ISX: variants seen among roughly 807,000 people sequenced by gnomAD.
The protein encoded by ISX is intestine-specific homeobox.
Under a neutral mutation model 16.9 loss-of-function variants are expected in ISX, and 15 were observed. The observed-to-expected ratio is 0.89, with a 90% CI of 0.59 to 1.36. The LOEUF is 1.36. Ranked by LOEUF, ISX falls within the 40% of genes most tolerant of loss-of-function variation. The pLI is 0.00. For synonymous variants in ISX, 125 were observed against 119.7 expected (o/e 1.04, Z -0.29); for missense variants, 316 against 306.1 (o/e 1.03, Z -0.24).
intron 2 of ISX, among the ~76,000 whole-genome samples, chr22:35,071,926 T>C (rs1467521163): frequency 1.3e-5 from 2 of 152,152 alleles, no homozygotes; most frequent in African/African-American, 4.8e-5. Context: ...GCTGCTCTGC[T>C]ATGGGAACTG....
At chr22:35,083,352 G>A (rs1267071152) in intron 3 of ISX, among the ~76,000 whole-genome samples, 1 of 152,202 alleles carries the variant, frequency 6.6e-6, no homozygotes, top group East Asian at 1.9e-4. Flanking sequence ...GTGTAGAGAA[G>A]TGGAAAAGGT....
At chr22:35,075,340 C>T (rs770214435) in intron 2 of ISX, among the ~76,000 whole-genome samples, 6 of 152,214 alleles carry the variant, frequency 3.9e-5, no homozygotes, top group East Asian at 3.8e-4. Flanking sequence ...GTAAGGTAGA[C>T]GGAAGGTCAG....
At chr22:35,077,817 C>A (rs1417499139) in intron 2 of ISX, among the ~76,000 whole-genome samples, 2 of 152,182 alleles carry the variant, frequency 1.3e-5, no homozygotes, top group African/African-American at 4.8e-5. Flanking sequence ...CTCTAAATTA[C>A]CTTCTTCCAG....
At chr22:35,078,706 T>G (rs1384762066) in intron 2 of ISX, among the ~76,000 whole-genome samples, 1 of 152,130 alleles carries the variant, frequency 6.6e-6, no homozygotes, top group Non-Finnish European at 1.5e-5. Flanking sequence ...TGAGGGCTAG[T>G]AGAAGGGAGT....
At chr22:35,071,026 G>A (rs1052127699) in intron 2 of ISX, among the ~76,000 whole-genome samples, 3 of 152,178 alleles carry the variant, frequency 2.0e-5, no homozygotes, top group African/African-American at 4.8e-5. Flanking sequence ...TGGCCCTCAT[G>A]CTGCAGTTCA....
chr22:35,085,015 T>C (rs968784462), intron 4 of ISX, among the ~76,000 whole-genome samples: 1 of 152,058 alleles, frequency 6.6e-6, no homozygotes, highest in African/African-American at 2.4e-5. Flanking sequence ...TATTTTTGAG[T>C]GGGCACCAGG....
intron 2 of ISX, among the ~76,000 whole-genome samples, chr22:35,075,012 T>C (rs1289792614): frequency 6.6e-6 from 1 of 152,238 alleles, no homozygotes; most frequent in African/African-American, 2.4e-5. Flanking sequence ...CCATGCTTCA[T>C]GTTTAATCTC....
chr22:35,086,363 T>A lies in ISX; in HGVS notation c.*670T>A, dbSNP rs1449878955. 1.3e-5 allele frequency: 2 copies of A among 152,992 alleles called. No individual in the cohort carries two copies. Among genetic ancestry groups the A allele is most frequent in the African/African-American group, 2.4e-5 (1 of 41,462 alleles). 9.5% of individuals were successfully genotyped at this position (152,992 alleles called of 1,614,324 possible). A position where few individuals can be genotyped will look rare whatever the true frequency, so the allele number is the denominator to read the frequency against. On this transcript the variant is annotated 3_prime_UTR_variant, in exon 5 of 5. Transcript: ENST00000404699. ...TGAGAGAAAAATGTAGAAAGTTTTT[T>A]AAATTCTAAACAGGATTTAGTGTCT...
intron 2 of ISX, among the ~76,000 whole-genome samples, chr22:35,075,001 C>A (rs1928945159): frequency 1.3e-5 from 2 of 152,216 alleles, no homozygotes; most frequent in African/African-American, 4.8e-5. Context: ...ATAATCTGTG[C>A]CCATGCTTCA....
intron 3 of ISX, among the ~76,000 whole-genome samples, chr22:35,083,455 G>A (rs1486912566): frequency 6.6e-6 from 1 of 152,192 alleles, no homozygotes; most frequent in Non-Finnish European, 1.5e-5. Flanking sequence ...ATTGCTTCAT[G>A]CAGGATTAGA....
intron 2 of ISX, among the ~76,000 whole-genome samples, chr22:35,073,918 A>C (rs1366943484): frequency 6.6e-6 from 1 of 152,230 alleles, no homozygotes; most frequent in Admixed American, 6.5e-5. Flanking sequence ...TATTAATGAG[A>C]GCTATTTGGT....
chr22:35,078,510 G>C (rs770908573), intron 2 of ISX, among the ~76,000 whole-genome samples: 15 of 152,144 alleles, frequency 9.9e-5, no homozygotes, highest in Non-Finnish European at 1.9e-4. Flanking sequence ...CTTAGGGAGG[G>C]AAGGGGGTAG....
At chr22:35,076,423 G>A (rs1298860323) in intron 2 of ISX, among the ~76,000 whole-genome samples, 1 of 152,210 alleles carries the variant, frequency 6.6e-6, no homozygotes, top group Non-Finnish European at 1.5e-5. Flanking sequence ...TGTGGGCACA[G>A]GGAGCCAAAG....
At chr22:35,081,100 A>G (rs1929114945) in intron 2 of ISX, among the ~76,000 whole-genome samples, 1 of 152,258 alleles carries the variant, frequency 6.6e-6, no homozygotes, top group African/African-American at 2.4e-5. Context: ...AGTAAGAAAG[A>G]TTACCCAGGG....
rs762787081 is a variant in ISX, at chr22:35,086,914, C to T, written c.*1221C>T. 3 of 152,194 alleles carry T rather than the reference C, an allele frequency of 2.0e-5. No homozygotes were observed. Among genetic ancestry groups the T allele is most frequent in the South Asian group, 2.1e-4 (1 of 4,830 alleles). The allele number at this position is 152,194 out of a possible 1,614,324, so 9.4% of individuals were successfully genotyped here. A position where few individuals can be genotyped will look rare whatever the true frequency, so the allele number is the denominator to read the frequency against. On this transcript the variant is annotated 3_prime_UTR_variant, in exon 5 of 5. Coordinates refer to ENST00000404699, the MANE Select transcript of ISX (RefSeq NM_001303508.2). ...AGCCTGGAATGACCTCTTGCACAAG[C>T]CTAAATTCCAGGAATCTTCCCCAAA...
rs1202602247 is a variant in ISX, at chr22:35,085,614, A to C, written c.659A>C (p.His220Pro). The C allele has an allele frequency of 1.2e-6, 2 of 1,614,162 alleles. No individual in the cohort carries two copies. Among genetic ancestry groups the C allele is most frequent in the African/African-American group, 1.3e-5 (1 of 75,044 alleles). ...CAGCCTGTCCCAGGTCTTCCCATCCATCAAACTTGCATCCCTGTGCTATGC... is the reference window on the plus strand; with the variant it reads ...CAGCCTGTCCCAGGTCTTCCCATCCCTCAAACTTGCATCCCTGTGCTATGC... ...ETQPVPGLPI[H>P]QTCIPVLCIL... is the part of the protein sequence containing the mutation. The change falls in exon 5 of 5, where the codon CAT becomes CCT. Residue 220 changes from histidine to proline, a missense_variant. Physicochemically the swap from His to Pro is moderately conservative, Grantham distance 77. Coordinates refer to ENST00000404699, the MANE Select transcript of ISX (RefSeq NM_001303508.2).
At position 35,067,254 on chromosome 22, in the gene ISX, G is replaced by A; in HGVS notation, c.167G>A (p.Gly56Asp). 2 of 1,605,804 alleles carry A rather than the reference G, an allele frequency of 1.2e-6. No homozygotes were observed. Among genetic ancestry groups the A allele is most frequent in the South Asian group, 1.1e-5 (1 of 89,244 alleles). The stretch of plus-strand genomic sequence containing the variant: ...AGACCAGAAGGGCCAGGTGAAGAGG[G>A]CCCCGGAGAAGCTGCGGCCTCAGGC... ...MDRPEGPGEE[G>D]PGEAAASGSG... Residue 56 changes from glycine (G) to aspartate (D), a missense_variant, in exon 2 of 5, where the codon GGC (glycine) becomes GAC (aspartate). By Grantham distance (94) the Gly-to-Asp change is moderately conservative. Transcript: ENST00000404699.
intron 3 of ISX, among the ~76,000 whole-genome samples, chr22:35,083,597 A>G (rs1929174544): frequency 6.6e-6 from 1 of 152,158 alleles, no homozygotes; most frequent in African/African-American, 2.4e-5. Context: ...TTCTCTCTAA[A>G]ATAGTTCTCT....
At position 35,067,222 on chromosome 22, in the gene ISX, T is replaced by A; in HGVS notation, c.135T>A (p.Asp45Glu). ...AILKRPARRSDMDRPEGPGEE... is the reference protein window; with the variant it reads ...AILKRPARRSEMDRPEGPGEE... ...TAAAGAGGCCTGCCAGGAGGAGTGA[T>A]ATGGACAGACCAGAAGGGCCAGGTG... The change falls in exon 2 of 5, where the codon GAT (aspartate) becomes GAA (glutamate). Residue 45 changes from aspartate to glutamate, a missense_variant. Asp to Glu is a conservative substitution (Grantham distance 45). Coordinates refer to ENST00000404699, the MANE Select transcript of ISX (RefSeq NM_001303508.2). 1 of 1,610,112 alleles carries A rather than the reference T, an allele frequency of 6.2e-7. No homozygotes were observed. The highest frequency in any genetic ancestry group is 1.7e-4 in the Middle Eastern group (1 of 6,050).
Sources: gnomAD v4.1 joint callset for allele counts (sites outside exome capture counted in the v4.1 genomes callset) on GRCh38, gnomAD v4.1.1 for gene constraint, MANE v1.5 for transcripts, NCBI Gene and HGNC (gene_info 2026-07-23, HGNC 2026-07-21) for gene names.